The following TRIM66 variants were observed in gnomAD, a reference collection of about 807,000 sequenced individuals.
TRIM66 encodes the protein tripartite motif containing 66, also known as tripartite motif-containing protein 66.
In TRIM66, 99 loss-of-function variants were observed where a neutral mutation model predicts 148.2. The ratio of observed to expected loss-of-function variants is 0.67; its 90% CI spans 0.57 to 0.79. The LOEUF (loss-of-function observed/expected upper bound fraction) is 0.79. TRIM66 is among the 30% of genes least tolerant of loss of function. The probability of loss-of-function intolerance (pLI) is 0.00; values close to 1 mark genes in which losing one functional copy is unlikely to be tolerated. For missense variants in TRIM66, 1,666 were observed against 1,697.9 expected (o/e 0.98, Z 0.33); for synonymous variants, 616 against 635.9 (o/e 0.97, Z 0.47).
chr11:8,640,665 G>A lies in TRIM66; in HGVS notation c.1710C>T (p.Ala570=). 1 of 1,551,680 alleles carries A rather than the reference G, an allele frequency of 6.4e-7. No homozygotes were observed. The highest frequency in any genetic ancestry group is 1.2e-5 in the South Asian group (1 of 84,066). The change falls in exon 14 of 25, where the codon GCC becomes GCT. Residue 570 remains alanine, a synonymous_variant. Coordinates refer to ENST00000646038, the MANE Select transcript of TRIM66 (RefSeq NM_001388022.1). The stretch of plus-strand genomic sequence containing the variant: ...TAGAGGGTGTCTGTAAGGTGGGCTG[G>A]GCATGGGCTCCTTGCTGAACATCCT... ...PPQDVQQGAH[A]QPTLQTPSIQ...
Position 8,645,892 on chromosome 11 carries a change from G to A in TRIM66, c.958-5C>T, listed in dbSNP as rs2133174797. 6.4e-7 allele frequency: 1 copy of A among 1,551,346 alleles called. No individual in the cohort carries two copies. The highest frequency in any genetic ancestry group is 1.2e-5 in the South Asian group (1 of 84,052). ...CTTTCTCTCATTAGTAATCCCCTGGGTACAGAGAGAAGACAGAGTCCTTGA... is the reference window on the plus strand; with the variant it reads ...CTTTCTCTCATTAGTAATCCCCTGGATACAGAGAGAAGACAGAGTCCTTGA... On this transcript the variant is annotated splice_polypyrimidine_tract_variant and splice_region_variant and intron_variant, in intron 11 of 24. Coordinates refer to ENST00000646038, the MANE Select transcript of TRIM66 (RefSeq NM_001388022.1).
Position 8,614,203 on chromosome 11 carries a change from G to T in TRIM66, c.*3741C>A, listed in dbSNP as rs1214602140. The T allele has an allele frequency of 1.3e-5, 2 of 152,190 alleles. No individual in the cohort carries two copies. The highest frequency in any genetic ancestry group is 2.4e-5 in the African/African-American group (1 of 41,366). 9.4% of individuals were successfully genotyped at this position (152,190 alleles called of 1,614,324 possible). ...AAAGTAGAAAAATTAGCCAGGCATG[G>T]TGGCATGCACCTGTAGTCCCAGCTA... On this transcript the variant is annotated 3_prime_UTR_variant, in exon 25 of 25. Coordinates refer to ENST00000646038, the MANE Select transcript of TRIM66 (RefSeq NM_001388022.1).
intron 18 of TRIM66, among the ~76,000 whole-genome samples, chr11:8,622,365 C>CACACACACACACACAT: frequency 0.012 from 688 of 59,544 alleles, 56 homozygotes; most frequent in Non-Finnish European, 0.017. Context: ...CACACACACA[C>CACACACACACACACAT]ATATATATAT....
At chr11:8,677,946 G>C (rs189129694) in intron 3 of TRIM66, among the ~76,000 whole-genome samples, 1 of 152,204 alleles carries the variant, frequency 6.6e-6, no homozygotes, top group Admixed American at 6.5e-5. Context: ...AGAAAACCTC[G>C]CCTGATCCTA....
Position 8,651,850 on chromosome 11 carries a change from C to T in TRIM66, c.394G>A (p.Glu132Lys). 1 of 1,551,694 alleles carries T rather than the reference C, an allele frequency of 6.4e-7. No homozygotes were observed. Among genetic ancestry groups the T allele is most frequent in the Non-Finnish European group, 8.7e-7 (1 of 1,146,998 alleles). Residue 132 changes from glutamate to lysine, a missense_variant, in exon 7 of 25, where the codon GAA becomes AAA. Coordinates refer to ENST00000646038, the MANE Select transcript of TRIM66 (RefSeq NM_001388022.1). The stretch of plus-strand genomic sequence containing the variant: ...GGAACACAATGCAGAAAAAAATGTT[C>T]AGTTACATCCCTGGTAAGATATACT... ...ERVYLTRDVT[E>K]HFFLHCVPTE...
chr11:8,682,754 C>T (rs1592233284), upstream of TRIM66: 3 of 1,612,222 alleles, frequency 1.9e-6, no homozygotes, highest in Admixed American at 1.7e-5. Flanking sequence ...TGCCCCGCCC[C>T]CGTGGCCGAT....
intron 15 of TRIM66, among the ~76,000 whole-genome samples, chr11:8,632,640 T>G (rs138905485): frequency 0.011 from 1,656 of 152,150 alleles, 36 homozygotes; most frequent in African/African-American, 0.036. Context: ...GTATTTTTAC[T>G]AGAGATGGGG....
chr11:8,666,424 C>T (rs1402298660), intron 6 of TRIM66, among the ~76,000 whole-genome samples: 3 of 150,908 alleles, frequency 2.0e-5, no homozygotes, highest in African/African-American at 7.3e-5. Flanking sequence ...CTCTCTGGTT[C>T]CAAATTAAGC....
rs2034247395 is a variant in TRIM66, at chr11:8,621,802, T to C, written c.3098A>G (p.His1033Arg). The stretch of plus-strand genomic sequence containing the variant: ...CTCCAGTCGCACATAGGGAATCTTA[T>C]GCTCACTATTGAAGGCTCTGCAGCA... ...NQSIRAFNSE[H>R]KIPYVRLERL... is the part of the protein sequence containing the mutation. The change falls in exon 19 of 25, where the codon CAT (histidine) becomes CGT (arginine). Residue 1033 changes from histidine to arginine, a missense_variant. This residue lies in a region of TRIM66 where 1,431 missense variants were observed against 1,412.4 expected (regional missense o/e 1.01). Transcript: ENST00000646038. 5 of 1,548,458 alleles carry C rather than the reference T, an allele frequency of 3.2e-6. No individual in the cohort carries two copies. Among genetic ancestry groups the C allele is most frequent in the East Asian group, 4.9e-5 (2 of 40,862 alleles).
intron 6 of TRIM66, among the ~76,000 whole-genome samples, chr11:8,655,018 G>A (rs958628543): frequency 6.6e-6 from 1 of 152,028 alleles, no homozygotes; most frequent in Admixed American, 6.6e-5. Context: ...CTGCCACTAC[G>A]CCTGGCTATT....
At chr11:8,628,636 A>AAAAAAAAAAAAAAAAAAAGAGAGAGAG (rs1555042270) in intron 15 of TRIM66, among the ~76,000 whole-genome samples, 3 of 93,338 alleles carry the variant, frequency 3.2e-5, no homozygotes, top group Non-Finnish European at 4.7e-5. Flanking sequence ...AAAAAAAAAA[A>AAAAAAAAAAAAAAAAAAAGAGAGAGAG]AGAGAGAGAA....
intron 15 of TRIM66, among the ~76,000 whole-genome samples, chr11:8,629,740 A>G (rs2035216006): frequency 6.6e-6 from 1 of 152,258 alleles, no homozygotes; most frequent in South Asian, 2.1e-4. Context: ...ATACGAGGTC[A>G]GCAATACATC....
chr11:8,635,840 C>T (rs2035831056), intron 15 of TRIM66, among the ~76,000 whole-genome samples: 1 of 152,170 alleles, frequency 6.6e-6, no homozygotes, highest in African/African-American at 2.4e-5. Context: ...AGCACTGACT[C>T]CATGCATGTA....
chr11:8,634,169 G>C (rs1381093683), intron 15 of TRIM66, among the ~76,000 whole-genome samples: 2 of 152,128 alleles, frequency 1.3e-5, no homozygotes, highest in Non-Finnish European at 2.9e-5. Flanking sequence ...GACTCCATGA[G>C]AGCTTTTCAT....
chr11:8,671,886 AG>A lies in TRIM66; in HGVS notation c.239del (p.Ser80PhefsTer18). ...GCAAATGCTGGCAGGATAGGAGATG[AG>A]AGCCCATACCTGGCAGGTCCTGATG... ...LCHQDLPGMGSHLLSCQHLLR... is the reference protein window; with the variant it reads ...LCHQDLPGMGXHLLSCQHLLR... On this transcript the variant is annotated frameshift_variant, in exon 6 of 25. Transcript: ENST00000646038. LOFTEE classifies it high-confidence loss of function. 6.5e-7 allele frequency: 1 copy of A among 1,536,148 alleles called. No homozygotes were observed. Among genetic ancestry groups the A allele is most frequent in the Non-Finnish European group, 8.7e-7 (1 of 1,146,902 alleles).
intron 6 of TRIM66, among the ~76,000 whole-genome samples, chr11:8,658,476 G>A (rs1409134125): frequency 6.6e-6 from 1 of 152,156 alleles, no homozygotes; most frequent in African/African-American, 2.4e-5. Flanking sequence ...ATGTGTGGCT[G>A]GAACCTGCCC....
At chr11:8,681,594 G>A (rs186739170) in intron 1 of TRIM66, among the ~76,000 whole-genome samples, 8 of 152,208 alleles carry the variant, frequency 5.3e-5, no homozygotes, top group South Asian at 2.1e-4. Context: ...ATAGACTAGC[G>A]AGGGGATGGG....
chr11:8,639,724 T>C (rs890556972), intron 14 of TRIM66, among the ~76,000 whole-genome samples: 4 of 152,230 alleles, frequency 2.6e-5, no homozygotes, highest in Admixed American at 1.3e-4. Context: ...CCCAGCTTAG[T>C]AGAAGTAAAA....
rs189860933 is a variant in TRIM66, at chr11:8,653,213, A to T, written c.341-1310T>A. Among the ~76,000 whole-genome samples the T allele has an allele frequency of 2.4e-4, 36 of 152,344 alleles. 1 individual carries two copies. In the East Asian group the frequency reaches 6.2e-3, roughly 26 times the overall value. On this transcript the variant is annotated intron_variant, in intron 6 of 24. Coordinates refer to ENST00000646038, the MANE Select transcript of TRIM66 (RefSeq NM_001388022.1). ...CCATACCCTTGCAATCCTACCATCA[A>T]AAGGTAAGACTCTCCACGAGCTTCA...
Sources: allele counts gnomAD v4.1 joint callset (sites outside exome capture counted in the v4.1 genomes callset), GRCh38; gene constraint gnomAD v4.1.1; regional missense constraint gnomAD v4.1.1; transcripts MANE v1.5; gene names NCBI Gene and HGNC (gene_info 2026-07-23, HGNC 2026-07-21).